RALGDS: variants seen among roughly 807,000 people sequenced by gnomAD.
RALGDS encodes the protein ral guanine nucleotide dissociation stimulator, also known as ral guanine nucleotide exchange factor.
In RALGDS, 44 loss-of-function variants were observed where a neutral mutation model predicts 99.8. The observed-to-expected ratio is 0.44, with a 90% CI of 0.35 to 0.57. The LOEUF is 0.57. RALGDS is among the 20% of genes least tolerant of loss of function. RALGDS has a pLI of 0.01. For missense variants in RALGDS, 1,022 were observed against 1,203.1 expected (o/e 0.85, Z 2.23); for synonymous variants, 529 against 505.0 (o/e 1.05, Z -0.64).
chr9:133,138,954 G>A (rs1378748298), intron 1 of RALGDS, among the ~76,000 whole-genome samples: 3 of 152,046 alleles, frequency 2.0e-5, no homozygotes, highest in Non-Finnish European at 4.4e-5. Context: ...CTTTAAAAAG[G>A]CAAAATGCAA....
intron 1 of RALGDS, chr9:133,148,824 G>A (rs1832668289): frequency 2.0e-6 from 2 of 1,018,492 alleles, no homozygotes; most frequent in South Asian, 3.1e-5. Flanking sequence ...ACTGTCCCGG[G>A]CGGGGTTGGA....
chr9:133,136,132 T>A (rs1480542393), intron 1 of RALGDS, among the ~76,000 whole-genome samples: 1 of 152,134 alleles, frequency 6.6e-6, no homozygotes, highest in Non-Finnish European at 1.5e-5. Flanking sequence ...GTGCCAGCGA[T>A]AGACCAGGGA....
At chr9:133,140,434 C>T (rs999024284) in intron 1 of RALGDS, among the ~76,000 whole-genome samples, 5 of 152,090 alleles carry the variant, frequency 3.3e-5, no homozygotes, top group Non-Finnish European at 7.4e-5. Flanking sequence ...GCCTTCCTCC[C>T]TCGGAACACA....
intron 1 of RALGDS, among the ~76,000 whole-genome samples, chr9:133,127,196 G>C (rs1832188766): frequency 6.6e-6 from 1 of 152,376 alleles, no homozygotes; most frequent in East Asian, 1.9e-4. Flanking sequence ...ACCCAGGCCT[G>C]CCTTAACGCA....
At chr9:133,127,630 G>A (rs1036532048) in intron 1 of RALGDS, among the ~76,000 whole-genome samples, 5 of 152,206 alleles carry the variant, frequency 3.3e-5, no homozygotes, top group Non-Finnish European at 5.9e-5. Flanking sequence ...GCTGGACCAC[G>A]CGTGGGAACT....
intron 6 of RALGDS, 98 bp downstream of exon 6, chr9:133,107,890 C>A: frequency 6.8e-7 from 1 of 1,476,826 alleles, no homozygotes; most frequent in Non-Finnish European, 9.3e-7. Context: ...TGGGATTTGA[C>A]CAGAACATCA....
chr9:133,115,509 C>A (rs1336204836), intron 1 of RALGDS, among the ~76,000 whole-genome samples: 1 of 152,202 alleles, frequency 6.6e-6, no homozygotes, highest in African/African-American at 2.4e-5. Flanking sequence ...TTGCCACCCC[C>A]CTGCCAGCAC....
Position 133,108,069 on chromosome 9 carries a change from C to T in RALGDS, c.1116G>A (p.Glu372=), listed in dbSNP as rs1054111541. ...GAGGCTTCTCCTCACTCAGCCCGTT[C>T]TCTGCAACCACAGGTGAAGGCCAGG... ...QPSWPSPVVA[E]NGLSEEKPHL... Residue 372 remains glutamate (E), a synonymous_variant, in exon 6 of 18, where the codon GAG becomes GAA. Coordinates refer to ENST00000372050, the MANE Select transcript of RALGDS (RefSeq NM_006266.4). 2 of 1,613,724 alleles carry T rather than the reference C, an allele frequency of 1.2e-6. No homozygotes were observed. The highest frequency in any genetic ancestry group is 1.7e-6 in the Non-Finnish European group (2 of 1,180,048).
chr9:133,109,009 GC>G, intron 4 of RALGDS, 143 bp from the exon 5 acceptor site: 1 of 805,920 alleles, frequency 1.2e-6, no homozygotes, highest in Non-Finnish European at 2.0e-6. Context: ...AACCAAGGAG[GC>G]CCCTGGTCAG....
chr9:133,121,957 A>G (rs1831966414), upstream of RALGDS, among the ~76,000 whole-genome samples: 1 of 152,178 alleles, frequency 6.6e-6, no homozygotes, highest in Non-Finnish European at 1.5e-5. Context: ...AAAGCCCCAC[A>G]CTATCCCCTT....
At chr9:133,110,600 A>G in intron 2 of RALGDS, 111 bp from the exon 3 acceptor site, 1 of 912,336 alleles carries the variant, frequency 1.1e-6, no homozygotes, top group Non-Finnish European at 1.8e-6. Context: ...AGGACTGAGT[A>G]TCTCTAGCAG....
At chr9:133,116,312 G>A (rs562765611) in intron 1 of RALGDS, among the ~76,000 whole-genome samples, 4 of 152,374 alleles carry the variant, frequency 2.6e-5, no homozygotes, top group African/African-American at 7.2e-5. Flanking sequence ...GCCTCAGACC[G>A]GGACGACACG....
intron 5 of RALGDS, 122 bp downstream of exon 5, chr9:133,108,551 T>C (rs1221566274): frequency 1.4e-6 from 2 of 1,433,004 alleles, no homozygotes; most frequent in Non-Finnish European, 1.9e-6. Context: ...GGTCCCTGCC[T>C]GTGTGGTCTG....
upstream of RALGDS, among the ~76,000 whole-genome samples, chr9:133,136,079 C>A (rs777134034): frequency 6.6e-5 from 10 of 152,078 alleles, no homozygotes; most frequent in Non-Finnish European, 1.5e-4. Flanking sequence ...AGCCAGACCA[C>A]GCGAATTTAC....
intron 1 of RALGDS, among the ~76,000 whole-genome samples, chr9:133,145,560 T>C (rs1404934897): frequency 6.6e-6 from 1 of 152,170 alleles, no homozygotes. Context: ...GGGAGAGTGA[T>C]GGCAGATGTG....
chr9:133,145,834 C>A (rs180677540), intron 1 of RALGDS, among the ~76,000 whole-genome samples: 1 of 152,306 alleles, frequency 6.6e-6, no homozygotes, highest in East Asian at 1.9e-4. Flanking sequence ...TGAGACAATA[C>A]TACAAAACCT....
chr9:133,112,828 G>C (rs543863270), intron 1 of RALGDS, among the ~76,000 whole-genome samples: 1 of 152,312 alleles, frequency 6.6e-6, no homozygotes, highest in South Asian at 2.1e-4. Flanking sequence ...TCATGCCCTC[G>C]TGCCTGCTTG....
At chr9:133,122,098 G>A (rs1053534808), upstream of RALGDS, among the ~76,000 whole-genome samples, 16 of 152,250 alleles carry the variant, frequency 1.1e-4, no homozygotes, top group Admixed American at 7.8e-4. Flanking sequence ...ACATGGCTGC[G>A]TGGCCTGTCA....
chr9:133,131,428 G>A (rs1832331689), upstream of RALGDS, among the ~76,000 whole-genome samples: 1 of 152,014 alleles, frequency 6.6e-6, no homozygotes, highest in Admixed American at 6.5e-5. Context: ...GTCCCACCCA[G>A]AAGAGAATCC....
Sources: allele counts gnomAD v4.1 joint callset (sites outside exome capture counted in the v4.1 genomes callset), GRCh38; gene constraint gnomAD v4.1.1; transcripts MANE v1.5; gene names NCBI Gene and HGNC (gene_info 2026-07-23, HGNC 2026-07-21).